Variants in CASP9 observed in about 807,000 individuals in gnomAD.
CASP9 encodes caspase 9.
In CASP9, 29 loss-of-function variants were observed where a neutral mutation model predicts 43.5. That is an observed-to-expected ratio of 0.67 (90% CI 0.50 to 0.91). The LOEUF (loss-of-function observed/expected upper bound fraction) is 0.91, where lower values mean the gene tolerates loss of function less well. Ranked by LOEUF, CASP9 falls within the 40% of genes least tolerant of loss-of-function variation. The pLI, the probability that CASP9 is intolerant of heterozygous loss-of-function variation, is 0.00. For synonymous variants in CASP9, 206 were observed against 211.9 expected, an observed-to-expected ratio of 0.97 and a Z score of 0.24; for missense variants, 575 against 537.4, an observed-to-expected ratio of 1.07 and a Z score of -0.69.
rs1356288449 is a variant in CASP9, at chr1:15,492,307, T to G, written c.*636A>C. 6.6e-6 allele frequency: 1 copy of G among 152,186 alleles called. No individual in the cohort carries two copies. Among genetic ancestry groups the G allele is most frequent in the Non-Finnish European group, 1.5e-5 (1 of 68,026 alleles). 9.4% of individuals were successfully genotyped at this position (152,186 alleles called of 1,614,324 possible). On this transcript the variant is annotated 3_prime_UTR_variant, in exon 9 of 9. Transcript: ENST00000333868. ...TTGCCTCAGATTTATTTTTTAAAATTAATGCAATATAGGAAAAATTAACAA... is the reference window on the plus strand; with the variant it reads ...TTGCCTCAGATTTATTTTTTAAAATGAATGCAATATAGGAAAAATTAACAA...
chr1:15,507,988 C>G (rs1709589667), intron 2 of CASP9, 81 bp from the exon 3 acceptor site: 1 of 1,441,304 alleles, frequency 6.9e-7, no homozygotes, highest in Non-Finnish European at 9.8e-7. Flanking sequence ...GGACAGCCCC[C>G]CAAGAACGGA....
chr1:15,504,531 A>AG, intron 6 of CASP9, 80 bp downstream of exon 6: 2 of 1,453,052 alleles, frequency 1.4e-6, no homozygotes, highest in Non-Finnish European at 1.9e-6. Context: ...GGGCCCTGTG[A>AG]GGGGCAGGCT....
chr1:15,493,482 G>A, intron 8 of CASP9: 1 of 1,294,020 alleles, frequency 7.7e-7, no homozygotes, highest in Non-Finnish European at 9.8e-7. Context: ...CTCCTGAGAA[G>A]GCGATGTACA....
rs1052762565 is a variant in CASP9, at chr1:15,493,046, T to C, written c.1159-11A>G. ...AACAGCATTAGCGACCTGTAAGACA[T>C]GACCATGGAGAGCTCTGTGAGTTCA... On this transcript the variant is annotated splice_polypyrimidine_tract_variant and intron_variant, in intron 8 of 8. Coordinates refer to ENST00000333868, the MANE Select transcript of CASP9 (RefSeq NM_001229.5). The C allele has an allele frequency of 6.2e-7, 1 of 1,613,886 alleles. No homozygotes were observed. The highest frequency in any genetic ancestry group is 1.7e-5 in the Admixed American group (1 of 60,016).
Position 15,504,757 on chromosome 1 carries a change from G to A in CASP9, c.722C>T (p.Ala241Val). ...VVVILSHGCQASHLQFPGAVY... is the reference protein window; with the variant it reads ...VVVILSHGCQVSHLQFPGAVY... ...AGCCCCTGGGAACTGCAGGTGGCTG[G>A]CCTAGAAGACCAAGAACCCTGGTTA... The change falls in exon 6 of 9, where the codon GCC becomes GTC. Residue 241 changes from alanine to valine, a missense_variant and splice_region_variant. Transcript: ENST00000333868. 3 of 1,610,992 alleles carry A rather than the reference G, an allele frequency of 1.9e-6. No homozygotes were observed.
At chr1:15,523,811 G>A (rs1057153253) in intron 1 of CASP9, among the ~76,000 whole-genome samples, 3 of 152,176 alleles carry the variant, frequency 2.0e-5, no homozygotes, top group African/African-American at 7.2e-5. Context: ...TCCAATTCAT[G>A]AATTGTTTCT....
chr1:15,520,824 G>A (rs1452428725), intron 1 of CASP9, among the ~76,000 whole-genome samples: 1 of 151,730 alleles, frequency 6.6e-6, no homozygotes, highest in Non-Finnish European at 1.5e-5. Flanking sequence ...GTGGTAGTGC[G>A]CACCTGTAAT....
intron 6 of CASP9, among the ~76,000 whole-genome samples, chr1:15,499,912 G>C (rs1486318725): frequency 6.6e-6 from 1 of 152,016 alleles, no homozygotes; most frequent in Non-Finnish European, 1.5e-5. Context: ...TTAAAATCTA[G>C]ACTCCCCAAA....
chr1:15,493,490 A>G (rs896944652), intron 8 of CASP9: 228 of 1,313,642 alleles, frequency 1.7e-4, no homozygotes, highest in Admixed American at 1.5e-3. Context: ...AAGGCGATGT[A>G]CAAGGAGGGG....
At chr1:15,506,108 A>G (rs778690777) in intron 4 of CASP9, 29 bp from the exon 5 acceptor site, 1 of 1,472,838 alleles carries the variant, frequency 6.8e-7, no homozygotes, top group Non-Finnish European at 9.5e-7. Context: ...GGTGAGCCAG[A>G]AGCACGGATA....
At chr1:15,515,586 G>A (rs1054999599) in intron 2 of CASP9, among the ~76,000 whole-genome samples, 1 of 152,172 alleles carries the variant, frequency 6.6e-6, no homozygotes, top group Admixed American at 6.6e-5. Flanking sequence ...CTGCCATCTA[G>A]AAATTAAAAA....
chr1:15,512,022 C>A (rs535391248), intron 2 of CASP9, among the ~76,000 whole-genome samples: 2 of 152,302 alleles, frequency 1.3e-5, no homozygotes, highest in East Asian at 3.9e-4. Flanking sequence ...TCAGAGCAGG[C>A]CCTTCAGCAC....
At chr1:15,521,995 G>T (rs566399761) in intron 1 of CASP9, among the ~76,000 whole-genome samples, 17 of 152,302 alleles carry the variant, frequency 1.1e-4, no homozygotes, top group African/African-American at 4.1e-4. Flanking sequence ...CTCACTAGCA[G>T]AACAGTTGGC....
Position 15,506,083 on chromosome 1 carries a change from C to T in CASP9, c.631-4G>A, listed in dbSNP as rs756091712. 3 of 1,607,388 alleles carry T rather than the reference C, an allele frequency of 1.9e-6. No individual in the cohort carries two copies. The highest frequency in any genetic ancestry group is 2.6e-6 in the Non-Finnish European group (3 of 1,173,978). ...CCAGCAAAGCCAGCACCATTTTCTA[C>T]AAGAGAGGGCTGCAGGTGAGCCAGA... On this transcript the variant is annotated splice_polypyrimidine_tract_variant and splice_region_variant and intron_variant, in intron 4 of 8. Coordinates refer to ENST00000333868, the MANE Select transcript of CASP9 (RefSeq NM_001229.5).
chr1:15,518,153 T>C lies in CASP9; in HGVS notation c.375A>G (p.Thr125=), dbSNP rs769353931. 2.5e-6 allele frequency: 4 copies of C among 1,614,184 alleles called. No individual in the cohort carries two copies. In the East Asian group the frequency reaches 8.9e-5, roughly 36 times the overall value. ...CAGAACCAATGTCCACTGGTCTGGG[T>C]GTTTCCGGTCTGAGAACCTCTGGTT... The part of the protein sequence containing the change: ...IRKPEVLRPE[T]PRPVDIGSGG... Residue 125 remains threonine, a synonymous_variant, in exon 2 of 9, where the codon ACA becomes ACG. Transcript: ENST00000333868.
At chr1:15,523,524 A>G (rs1710299188) in intron 1 of CASP9, among the ~76,000 whole-genome samples, 1 of 152,254 alleles carries the variant, frequency 6.6e-6, no homozygotes, top group Non-Finnish European at 1.5e-5. Flanking sequence ...TGAGCAGACA[A>G]AACCAATCAG....
intron 5 of CASP9, among the ~76,000 whole-genome samples, chr1:15,505,787 A>G (rs1709494815): frequency 1.3e-5 from 2 of 152,180 alleles, no homozygotes; most frequent in Admixed American, 6.5e-5. Context: ...TCCCAGGAAC[A>G]CCGACCTGCC....
Position 15,504,634 on chromosome 1 carries a change from AAG to A in CASP9, c.843_844del (p.Phe283HisfsTer14). 1 of 1,613,866 alleles carries A rather than the reference AAG, an allele frequency of 6.2e-7. No homozygotes were observed. ...ACCCCCACCACAGGCCTGGATGAAA[AAG>A]AGCTTGGGCTTCCCTCCCAGGCTGG... On this transcript the variant is annotated frameshift_variant, in exon 6 of 9. Coordinates refer to ENST00000333868, the MANE Select transcript of CASP9 (RefSeq NM_001229.5). LOFTEE classifies it high-confidence loss of function.
At chr1:15,496,626 G>T (rs757959333) in intron 6 of CASP9, among the ~76,000 whole-genome samples, 2 of 152,062 alleles carry the variant, frequency 1.3e-5, no homozygotes, top group African/African-American at 2.4e-5. Flanking sequence ...ATCAGAAAAA[G>T]AAATTACAAA....
Sources: allele counts gnomAD v4.1 joint callset (sites outside exome capture counted in the v4.1 genomes callset), GRCh38; gene constraint gnomAD v4.1.1; transcripts MANE v1.5; gene names NCBI Gene and HGNC (gene_info 2026-07-23, HGNC 2026-07-21).